The following TOX2 variants were observed in gnomAD, a reference collection of about 807,000 sequenced individuals.
TOX2 encodes TOX high mobility group box family member 2, also known as granulosa cell HMG box 1.
Under a neutral mutation model 47.4 loss-of-function variants are expected in TOX2, and 15 were observed. The observed-to-expected ratio is 0.32, with a 90% CI of 0.21 to 0.49. The LOEUF is 0.49. TOX2 is among the 20% of genes least tolerant of loss of function. TOX2 has a pLI of 0.99. For missense variants in TOX2, 622 were observed against 673.1 expected (o/e 0.92, Z 0.84); for synonymous variants, 290 against 296.6 (o/e 0.98, Z 0.23).
At chr20:43,977,248 G>T (rs1351317508) in intron 2 of TOX2, among the ~76,000 whole-genome samples, 2 of 152,164 alleles carry the variant, frequency 1.3e-5, no homozygotes, top group Non-Finnish European at 2.9e-5. Flanking sequence ...GATTACAGGT[G>T]CCTGCCACCA....
intron 1 of TOX2, among the ~76,000 whole-genome samples, chr20:43,956,749 T>C (rs1261677146): frequency 6.6e-6 from 1 of 152,166 alleles, no homozygotes; most frequent in Non-Finnish European, 1.5e-5. Flanking sequence ...CCGTTTCCCA[T>C]GTCCGCAGTG....
intron 1 of TOX2, among the ~76,000 whole-genome samples, chr20:43,959,694 C>A (rs536352947): frequency 2.6e-5 from 4 of 152,228 alleles, no homozygotes; most frequent in Admixed American, 2.0e-4. Flanking sequence ...TCGTTCCCCC[C>A]ACACCACAGT....
chr20:44,026,000 C>T (rs756053258), intron 3 of TOX2, among the ~76,000 whole-genome samples: 9 of 151,766 alleles, frequency 5.9e-5, no homozygotes, highest in African/African-American at 9.7e-5. Context: ...AGTCCTCTGA[C>T]GTGGCCATGG....
rs1252468968 is a variant in TOX2 at position 43,915,994 on chromosome 20, GCCTCTAAGCAGTCCGCGTCC to G, written c.99+1008_99+1027del. 13 of 461,018 alleles carry G rather than the reference GCCTCTAAGCAGTCCGCGTCC, an allele frequency of 2.8e-5. No individual in the cohort carries two copies. Among genetic ancestry groups the G allele is most frequent in the Non-Finnish European group, 3.7e-5 (13 of 350,724 alleles). 28.6% of individuals were successfully genotyped at this position (461,018 alleles called of 1,614,324 possible). ...CTGGCCCAGCCTGGATGGGTTGGGT[GCCTCTAAGCAGTCCGCGTCC>G]CCTTCGGTCGCCGGAGAGGGAACTT... On this transcript the variant is annotated intron_variant, in intron 1 of 8. Transcript: ENST00000341197. The surrounding 1 kb of genome is among the most constrained non-coding windows in gnomAD (Gnocchi z 7.1).
chr20:43,932,207 C>T (rs184569802), intron 1 of TOX2, among the ~76,000 whole-genome samples: 8 of 152,282 alleles, frequency 5.3e-5, no homozygotes, highest in African/African-American at 1.9e-4. Context: ...TCACCACTCA[C>T]CAGAAGCATG....
intron 4 of TOX2, among the ~76,000 whole-genome samples, chr20:44,053,961 G>A (rs1466716374): frequency 6.6e-6 from 1 of 152,178 alleles, no homozygotes; most frequent in African/African-American, 2.4e-5. Context: ...AGTCCCAAAG[G>A]TGATAGTTTC....
At chr20:44,065,007 A>G in intron 6 of TOX2, 150 bp downstream of exon 6, 1 of 658,284 alleles carries the variant, frequency 1.5e-6, no homozygotes, top group Non-Finnish European at 2.6e-6. Context: ...GGGCACCTAC[A>G]GCATGCCAGG....
At chr20:44,043,079 T>C (rs1171949318) in intron 3 of TOX2, among the ~76,000 whole-genome samples, 1 of 152,208 alleles carries the variant, frequency 6.6e-6, no homozygotes, top group South Asian at 2.1e-4. Context: ...TGAAGTTTTA[T>C]ATGCTTGCGG....
Position 44,066,748 on chromosome 20 carries a change from G to C in TOX2, c.1375G>C (p.Glu459Gln), listed in dbSNP as rs1393005419. The C allele has an allele frequency of 6.2e-7, 1 of 1,614,144 alleles. No homozygotes were observed. The highest frequency in any genetic ancestry group is 8.5e-7 in the Non-Finnish European group (1 of 1,180,028). Residue 459 changes from glutamate to glutamine, a missense_variant, in exon 8 of 9, where the codon GAG becomes CAG. By Grantham distance (29) the Glu-to-Gln change is conservative (BLOSUM62 2). Coordinates refer to ENST00000341197, the MANE Select transcript of TOX2 (RefSeq NM_001098797.2). ...TCTGTAGGACTTCCCGCACATCTCT[G>C]AGTTCCCCAGCAGCTCGGGATCCTG... is the stretch of plus-strand genomic sequence containing the variant. ...PGPQDFPHIS[E>Q]FPSSSGSCSP...
At chr20:44,031,480 G>A (rs559002469) in intron 3 of TOX2, among the ~76,000 whole-genome samples, 1 of 152,114 alleles carries the variant, frequency 6.6e-6, no homozygotes, top group East Asian at 1.9e-4. Context: ...GCTGGACTTG[G>A]TGGCCCCTTC....
At chr20:43,973,695 C>A (rs985763872) in intron 2 of TOX2, among the ~76,000 whole-genome samples, 1 of 152,194 alleles carries the variant, frequency 6.6e-6, no homozygotes, top group African/African-American at 2.4e-5. Context: ...TGCCCATACT[C>A]CCCACGCTTG....
At chr20:44,042,408 A>G (rs1026011570) in intron 3 of TOX2, among the ~76,000 whole-genome samples, 14 of 152,232 alleles carry the variant, frequency 9.2e-5, no homozygotes, top group Non-Finnish European at 1.8e-4. Flanking sequence ...GCAGCGAGCA[A>G]CACTGGTTGT....
At chr20:44,054,554 C>T in intron 5 of TOX2, 28 bp downstream of exon 5, 3 of 1,601,766 alleles carry the variant, frequency 1.9e-6, no homozygotes, top group Non-Finnish European at 2.6e-6. Flanking sequence ...TCTGGGCCAT[C>T]CCCTGAGGCT....
rs904066729 is a variant in TOX2, at chr20:43,914,864, AGCC to A, written c.-10_-8del. On this transcript the variant is annotated 5_prime_UTR_variant, in exon 1 of 9. Coordinates refer to ENST00000341197, the MANE Select transcript of TOX2 (RefSeq NM_001098797.2). The surrounding 1 kb of genome is among the most constrained non-coding windows in gnomAD (Gnocchi z 4.5). ...CGCCCGCCCAGGCACTGCCCGCGGG[AGCC>A]GCCGCCGCCGCCGCCGCGCCCGCCA... 2,740 of 925,936 alleles carry A rather than the reference AGCC, an allele frequency of 3.0e-3. 8 individuals carry two copies. In the East Asian group the frequency reaches 0.044, roughly 15 times the overall value. The allele number at this position is 925,936 out of a possible 1,614,324, so 57.4% of individuals were successfully genotyped here. A position where few individuals can be genotyped will look rare whatever the true frequency, so the allele number is the denominator to read the frequency against.
intron 1 of TOX2, among the ~76,000 whole-genome samples, chr20:43,966,793 C>T (rs2069862702): frequency 6.6e-6 from 1 of 151,030 alleles, no homozygotes; most frequent in African/African-American, 2.4e-5. Context: ...GAGGCTCCCA[C>T]TATGCTGAGG....
At chr20:43,922,275 C>T (rs1025643911) in intron 1 of TOX2, among the ~76,000 whole-genome samples, 3 of 152,152 alleles carry the variant, frequency 2.0e-5, no homozygotes, top group African/African-American at 7.2e-5. Flanking sequence ...GCATGCATTG[C>T]GGAATGTTTA....
At chr20:43,944,723 G>A (rs554814437) in intron 1 of TOX2, among the ~76,000 whole-genome samples, 1 of 152,300 alleles carries the variant, frequency 6.6e-6, no homozygotes, top group East Asian at 1.9e-4. Context: ...TCAGCTCTGT[G>A]GTGCTTCCTC....
chr20:43,974,076 A>C (rs939390523), intron 2 of TOX2, among the ~76,000 whole-genome samples: 1 of 152,126 alleles, frequency 6.6e-6, no homozygotes, highest in Non-Finnish European at 1.5e-5. Context: ...CATCCTCACT[A>C]TAGACTATGA....
At chr20:43,990,185 A>C (rs906699252) in intron 2 of TOX2, among the ~76,000 whole-genome samples, 3 of 152,244 alleles carry the variant, frequency 2.0e-5, no homozygotes, top group Admixed American at 2.0e-4. Context: ...ATACCTCTAC[A>C]CATGGTAAGT....
Sources: gnomAD v4.1 joint callset for allele counts (sites outside exome capture counted in the v4.1 genomes callset) on GRCh38, gnomAD v4.1.1 for gene constraint, Gnocchi (gnomAD v3.1) non-coding constraint, MANE v1.5 for transcripts, NCBI Gene and HGNC (gene_info 2026-07-23, HGNC 2026-07-21) for gene names.